SYNE2: variants seen among roughly 807,000 people sequenced by gnomAD.
SYNE2 encodes spectrin repeat containing nuclear envelope protein 2.
Under a neutral mutation model 856.3 loss-of-function variants are expected in SYNE2, and 431 were observed. The observed-to-expected ratio is 0.50, with a 90% confidence interval of 0.47 to 0.55. The LOEUF is 0.55. SYNE2 is among the 20% of genes least tolerant of loss of function. The pLI is 0.00. For missense variants in SYNE2, 8,129 were observed against 8,023.2 expected (o/e 1.01, Z -0.50); for synonymous variants, 2,923 against 2,872.3 (o/e 1.02, Z -0.56).
chr14:63,865,724 C>CCAA (rs1555352398), intron 1 of SYNE2, among the ~76,000 whole-genome samples: 36 of 95,404 alleles, frequency 3.8e-4, no homozygotes, highest in African/African-American at 1.3e-3. Context: ...ACCCCCCCCC[C>CCAA]AAAAAAAAAG....
intron 67 of SYNE2, 27 bp downstream of exon 67, chr14:64,119,636 C>A: frequency 6.2e-7 from 1 of 1,610,430 alleles, no homozygotes; most frequent in South Asian, 1.1e-5. Context: ...TATGGACATT[C>A]ATCTTGATAC....
Position 64,163,545 on chromosome 14 carries a change from G to C in SYNE2, c.16443G>C (p.Leu5481Phe). The C allele has an allele frequency of 6.2e-7, 1 of 1,614,106 alleles. No individual in the cohort carries two copies. The highest frequency in any genetic ancestry group is 8.5e-7 in the Non-Finnish European group (1 of 1,180,022). ...ACTCTCTCCAGAGGGCTGCTTATTTGGAAAAGATGCTGCTTGTGAAAGCAA... is the reference window on the plus strand; with the variant it reads ...ACTCTCTCCAGAGGGCTGCTTATTTCGAAAAGATGCTGCTTGTGAAAGCAA... The part of the protein sequence containing the change: ...PLHSLQRAAY[L>F]EKMLLVKANE... Residue 5481 changes from leucine to phenylalanine, a missense_variant, in exon 89 of 116, where the codon TTG becomes TTC. Leu to Phe is a conservative substitution (Grantham distance 22, BLOSUM62 0). Around this residue, in one of 3 missense-constraint regions of SYNE2, gnomAD observed 5,410 missense variants for 5,284.8 expected, o/e 1.02. Coordinates refer to ENST00000555002, the MANE Select transcript of SYNE2 (RefSeq NM_182914.3).
At chr14:64,169,744 A>G (rs1032540050) in intron 93 of SYNE2, among the ~76,000 whole-genome samples, 2 of 152,220 alleles carry the variant, frequency 1.3e-5, no homozygotes, top group African/African-American at 2.4e-5. Flanking sequence ...TGACTTTCCC[A>G]TAATAAACAA....
intron 86 of SYNE2, 43 bp downstream of exon 86, chr14:64,158,838 A>G: frequency 5.6e-6 from 9 of 1,604,656 alleles, no homozygotes; most frequent in Non-Finnish European, 7.7e-6. Context: ...TTGGCAGGAA[A>G]TTACAAATGG....
At chr14:64,019,843 T>G in intron 34 of SYNE2, 149 bp from the exon 35 acceptor site, 1 of 643,992 alleles carries the variant, frequency 1.6e-6, no homozygotes, top group Admixed American at 2.8e-5. Context: ...CACTTGGATT[T>G]GTAACTTCTA....
Position 64,016,629 on chromosome 14 carries a change from G to A in SYNE2, c.4885G>A (p.Asp1629Asn). ...EANIIVDRWL[D>N]INEKTEDYYE... ...TAATATTATTGTGGATAGATGGCTT[G>A]ATGTAAGTGATAATTTCATTGATTG... Residue 1629 changes from aspartate to asparagine, a missense_variant and splice_region_variant, in exon 33 of 116, where the codon GAT becomes AAT. Asp to Asn is a conservative substitution (Grantham distance 23). Transcript: ENST00000555002. 1 of 1,582,616 alleles carries A rather than the reference G, an allele frequency of 6.3e-7. No individual in the cohort carries two copies. Among genetic ancestry groups the A allele is most frequent in the East Asian group, 2.2e-5 (1 of 44,510 alleles).
chr14:64,108,843 C>A (rs1397190410), intron 65 of SYNE2, among the ~76,000 whole-genome samples: 1 of 151,166 alleles, frequency 6.6e-6, no homozygotes, highest in Non-Finnish European at 1.5e-5. Flanking sequence ...AAGTTGCTGA[C>A]CTAGTCAGTA....
intron 1 of SYNE2, among the ~76,000 whole-genome samples, chr14:63,778,175 A>G (rs1199058167): frequency 2.0e-5 from 3 of 152,088 alleles, no homozygotes; most frequent in South Asian, 2.1e-4. Context: ...ATAGTGAGTG[A>G]GTTCTCACGA....
At chr14:64,054,304 T>C (rs992618831) in intron 48 of SYNE2, among the ~76,000 whole-genome samples, 4 of 152,226 alleles carry the variant, frequency 2.6e-5, no homozygotes, top group Non-Finnish European at 4.4e-5. Flanking sequence ...GGAAGAATTA[T>C]GGTGTAGAGG....
In SYNE2 at chr14:64,200,300, T is replaced by G. The variant is rs143998574; in HGVS notation, c.18039-2501T>G. 7.2e-5 allele frequency among the ~76,000 whole-genome samples: 11 copies of G among 152,110 alleles called. No homozygotes were observed. The East Asian group carries it at 2.1e-3, about 29-fold the overall frequency. On this transcript the variant is annotated intron_variant, in intron 99 of 115. Transcript: ENST00000555002. ...ATTTCATTCTGGGAAGAGGGAGAAG[T>G]GGGGAGGGCAGGAGAGCTGTGCAGA... is the stretch of plus-strand genomic sequence containing the variant.
chr14:64,040,183 ATAAT>A (rs1283747319), intron 45 of SYNE2, among the ~76,000 whole-genome samples: 1 of 152,210 alleles, frequency 6.6e-6, no homozygotes, highest in Non-Finnish European at 1.5e-5. Flanking sequence ...CTGATAACAA[ATAAT>A]TAGTAAGAAT....
At chr14:64,026,448 A>C in intron 41 of SYNE2, 131 bp from the exon 42 acceptor site, 1 of 735,576 alleles carries the variant, frequency 1.4e-6, no homozygotes, top group Non-Finnish European at 2.3e-6. Context: ...GGTACATATA[A>C]AAATGAAAAG....
At chr14:64,004,609 C>T (rs1184628608) in intron 30 of SYNE2, among the ~76,000 whole-genome samples, 5 of 152,020 alleles carry the variant, frequency 3.3e-5, no homozygotes, top group Non-Finnish European at 5.9e-5. Context: ...GGATTACAGG[C>T]GTGAGCCACC....
chr14:64,156,131 G>A (rs1362257795), intron 85 of SYNE2, among the ~76,000 whole-genome samples: 1 of 152,114 alleles, frequency 6.6e-6, no homozygotes, highest in Non-Finnish European at 1.5e-5. Flanking sequence ...CTTGTTTTTA[G>A]TATAGTGAAT....
intron 1 of SYNE2, among the ~76,000 whole-genome samples, chr14:63,821,969 T>C (rs901346194): frequency 6.6e-6 from 1 of 152,126 alleles, no homozygotes; most frequent in Non-Finnish European, 1.5e-5. Flanking sequence ...GGCAGGCACA[T>C]CACTTGAGGT....
chr14:64,049,276 C>T, intron 46 of SYNE2: 1 of 156,042 alleles, frequency 6.4e-6, no homozygotes, highest in East Asian at 1.9e-4. Flanking sequence ...AGACTCTCGG[C>T]TCTACAAAAA....
intron 2 of SYNE2, among the ~76,000 whole-genome samples, chr14:63,922,252 A>G (rs1211885014): frequency 1.3e-5 from 2 of 152,076 alleles, no homozygotes; most frequent in Non-Finnish European, 2.9e-5. Flanking sequence ...TGAACCTCCC[A>G]CCTCAGCCTC....
intron 1 of SYNE2, among the ~76,000 whole-genome samples, chr14:63,880,499 G>T (rs1215837930): frequency 1.5e-5 from 2 of 137,804 alleles, no homozygotes; most frequent in African/African-American, 4.9e-5. Flanking sequence ...AAGAAAAAAA[G>T]AATTCTATGT....
intron 112 of SYNE2, 133 bp downstream of exon 112, chr14:64,221,837 G>C: frequency 9.3e-7 from 1 of 1,077,224 alleles, no homozygotes; most frequent in South Asian, 1.3e-5. Context: ...CACGAGTTCA[G>C]CCCTAGTGTT....
Sources: gnomAD v4.1 joint callset for allele counts (sites outside exome capture counted in the v4.1 genomes callset) on GRCh38, gnomAD v4.1.1 for gene constraint, gnomAD v4.1.1 regional missense constraint, MANE v1.5 for transcripts, NCBI Gene and HGNC (gene_info 2026-07-23, HGNC 2026-07-21) for gene names.